The following GSE1 variants were observed in gnomAD, a reference collection of about 807,000 sequenced individuals.
GSE1 encodes the protein Gse1 coiled-coil protein.
GSE1 carries 32 observed loss-of-function variants against 112.6 expected under a neutral mutation model. That is an observed-to-expected ratio of 0.28 (90% CI 0.21 to 0.38). The LOEUF is 0.38. GSE1 is among the 10% of genes least tolerant of loss of function. The pLI is 1.00. For synonymous variants in GSE1, 1,115 were observed against 735.6 expected, an observed-to-expected ratio of 1.52 and a Z score of -8.35; for missense variants, 2,348 against 1,699.2, an observed-to-expected ratio of 1.38 and a Z score of -6.71.
At chr16:85,635,139 T>TG (rs1232877064) in intron 2 of GSE1, among the ~76,000 whole-genome samples, 2 of 152,132 alleles carry the variant, frequency 1.3e-5, no homozygotes, top group South Asian at 2.1e-4. Flanking sequence ...CAGGGCGGGC[T>TG]GGGGGGACTT....
Position 85,649,497 on chromosome 16 carries a change from G to C in GSE1, c.426+746G>C, listed in dbSNP as rs191558529. Among the ~76,000 whole-genome samples, 631 of 152,262 alleles carry C rather than the reference G, an allele frequency of 4.1e-3. 3 individuals carry two copies. Among genetic ancestry groups the C allele is most frequent in the African/African-American group, 0.015 (604 of 41,546 alleles). ...AGCGGAGGCCCCTCCCCAAGTTTTC[G>C]GGGCTCCTTATGTCTGTGGGCCCCT... On this transcript the variant is annotated intron_variant, in intron 3 of 15. Coordinates refer to ENST00000253458, the MANE Select transcript of GSE1 (RefSeq NM_014615.5).
At chr16:85,478,927 C>CTTTCTTTCTTTCTTTTCTT in intron 2 of GSE1, among the ~76,000 whole-genome samples, 1 of 28,060 alleles carries the variant, frequency 3.6e-5, no homozygotes, top group African/African-American at 1.5e-4. Context: ...TTCTTTCTTT[C>CTTTCTTTCTTTCTTTTCTT]TCTTTCTTTC....
In GSE1 at chr16:85,663,434, C is replaced by G; in HGVS notation, c.2464C>G (p.Leu822Val). 6.2e-7 allele frequency: 1 copy of G among 1,613,864 alleles called. No individual in the cohort carries two copies. Among genetic ancestry groups the G allele is most frequent in the Non-Finnish European group, 8.5e-7 (1 of 1,180,020 alleles). ...GAAGCGGAGGAAGCGGCGGAGGATGCTGCGAGAGAGAAGCCCGTCGCCCCC... is the reference window on the plus strand; with the variant it reads ...GAAGCGGAGGAAGCGGCGGAGGATGGTGCGAGAGAGAAGCCCGTCGCCCCC... ...AQKRRKRRRMLRERSPSPPTI... is the reference protein window; with the variant it reads ...AQKRRKRRRMVRERSPSPPTI... The change falls in exon 11 of 16, where the codon CTG becomes GTG. Residue 822 changes from leucine to valine, a missense_variant. Physicochemically the swap from Leu to Val is conservative, Grantham distance 32. Transcript: ENST00000253458.
chr16:85,346,430 G>GCAGA (rs1555566737), intron 1 of GSE1, among the ~76,000 whole-genome samples: 1 of 145,200 alleles, frequency 6.9e-6, no homozygotes, highest in Admixed American at 6.8e-5. Context: ...TGATGGACAG[G>GCAGA]TGGATGGTGG....
At chr16:85,520,363 G>A (rs2052140278) in intron 2 of GSE1, among the ~76,000 whole-genome samples, 1 of 143,208 alleles carries the variant, frequency 7.0e-6, no homozygotes, top group Non-Finnish European at 1.5e-5. Context: ...CAAACATTTG[G>A]ATTGTAGCAG....
chr16:85,394,327 G>A (rs1400551821), intron 2 of GSE1, among the ~76,000 whole-genome samples: 3 of 152,164 alleles, frequency 2.0e-5, no homozygotes, highest in Non-Finnish European at 4.4e-5. Flanking sequence ...AATACCTGTC[G>A]GTGCTGGTGC....
intron 1 of GSE1, among the ~76,000 whole-genome samples, chr16:85,604,025 C>T (rs1034011065): frequency 1.3e-5 from 2 of 152,124 alleles, no homozygotes; most frequent in African/African-American, 4.8e-5. Flanking sequence ...CTCACATCTG[C>T]TCAGCTTCGG....
chr16:85,574,203 C>T (rs1423288702), intron 1 of GSE1, among the ~76,000 whole-genome samples: 1 of 152,184 alleles, frequency 6.6e-6, no homozygotes, highest in Non-Finnish European at 1.5e-5. Flanking sequence ...GAGGGCCGGC[C>T]GTGGAAGTTG....
At position 85,359,272 on chromosome 16, in the gene GSE1, G is replaced by A. The variant is rs11859358; in HGVS notation, c.2464+1629G>A. On this transcript the variant is annotated intron_variant, in intron 2 of 2. Transcript: ENST00000637419. Reference sequence around the variant, plus strand: ...GGCGATGCGTCCTCCTGGGCCTGGCGGCTCACGGGTCAGTGGAGGGCTCCG... The same window carrying A: ...GGCGATGCGTCCTCCTGGGCCTGGCAGCTCACGGGTCAGTGGAGGGCTCCG... 1.0e-2 allele frequency: 3,991 copies of A among 400,786 alleles called. 130 individuals are homozygous for A. Among genetic ancestry groups the A allele is most frequent in the African/African-American group, 0.074 (3,573 of 48,366 alleles). 24.8% of individuals were successfully genotyped at this position (400,786 alleles called of 1,614,324 possible). A position where few individuals can be genotyped will look rare whatever the true frequency, so the allele number is the denominator to read the frequency against.
intron 1 of GSE1, among the ~76,000 whole-genome samples, chr16:85,313,437 G>A (rs1597371569): frequency 6.6e-6 from 1 of 152,168 alleles, no homozygotes; most frequent in African/African-American, 2.4e-5. Flanking sequence ...CCAGGGCCAG[G>A]CCATCTCGGC....
intron 2 of GSE1, among the ~76,000 whole-genome samples, chr16:85,540,547 T>G (rs1444626195): frequency 6.6e-6 from 1 of 152,248 alleles, no homozygotes; most frequent in Non-Finnish European, 1.5e-5. Flanking sequence ...ATGTGGCCTC[T>G]GAGCTAGGTC....
In GSE1 at chr16:85,311,058, T is replaced by A. The variant is rs1366747392; in HGVS notation, c.2284-46405T>A. Among the ~76,000 whole-genome samples, 3 of 152,134 alleles carry A rather than the reference T, an allele frequency of 2.0e-5. No homozygotes were observed. The highest frequency in any genetic ancestry group is 4.4e-5 in the Non-Finnish European group (3 of 68,004). On this transcript the variant is annotated intron_variant, in intron 1 of 2. Transcript: ENST00000637419. This position sits in a 1 kb window ranked among gnomAD's most constrained non-coding sequence, Gnocchi z 4.2. ...GCCGTCAGCAATGGCCATGGCTCTG[T>A]CAAGAAGGATTATCTCGTCCTCCAG...
chr16:85,633,821 C>T, intron 1 of GSE1, 93 bp from the exon 2 acceptor site: 1 of 929,922 alleles, frequency 1.1e-6, no homozygotes, highest in Non-Finnish European at 1.7e-6. Context: ...TGCTCCCTGC[C>T]TGCTGCTGCT....
intron 2 of GSE1, among the ~76,000 whole-genome samples, chr16:85,460,352 C>G (rs922251299): frequency 6.6e-6 from 1 of 152,158 alleles, no homozygotes; most frequent in Non-Finnish European, 1.5e-5. Flanking sequence ...TGCGGCCCAG[C>G]CTGGTATTTT....
At chr16:85,274,902 G>A (rs1446751538) in intron 1 of GSE1, among the ~76,000 whole-genome samples, 1 of 152,226 alleles carries the variant, frequency 6.6e-6, no homozygotes, top group African/African-American at 2.4e-5. Context: ...GGCCCTCACT[G>A]CCCCTGTTCC....
chr16:85,631,534 G>A (rs2049539939), intron 1 of GSE1, among the ~76,000 whole-genome samples: 1 of 152,234 alleles, frequency 6.6e-6, no homozygotes, highest in Non-Finnish European at 1.5e-5. Context: ...CTCAGAGCAT[G>A]GGTCCCATTT....
In GSE1 at chr16:85,311,031, C is replaced by T. The variant is rs183485233; in HGVS notation, c.2284-46432C>T. On this transcript the variant is annotated intron_variant, in intron 1 of 2. Coordinates refer to the GSE1 transcript ENST00000637419. This position sits in a 1 kb window ranked among gnomAD's most constrained non-coding sequence, Gnocchi z 4.2. ...AAATATAAACCCAGCCGCCTTTCCG[C>T]GGCCGTCAGCAATGGCCATGGCTCT... Among the ~76,000 whole-genome samples, 6 of 152,350 alleles carry T rather than the reference C, an allele frequency of 3.9e-5. No individual in the cohort carries two copies. The highest frequency in any genetic ancestry group is 3.3e-4 in the Admixed American group (5 of 15,312).
chr16:85,617,195 A>G (rs1444135587), intron 1 of GSE1, among the ~76,000 whole-genome samples: 2 of 152,158 alleles, frequency 1.3e-5, no homozygotes, highest in African/African-American at 2.4e-5. Flanking sequence ...CCTCGCATCC[A>G]TACTCCCATG....
At chr16:85,217,320 C>T (rs1171654197) in intron 1 of GSE1, among the ~76,000 whole-genome samples, 1 of 152,190 alleles carries the variant, frequency 6.6e-6, no homozygotes, top group East Asian at 1.9e-4. Context: ...AGCTTGTTTT[C>T]ATTTCTGTGC....
Sources: allele counts gnomAD v4.1 joint callset (sites outside exome capture counted in the v4.1 genomes callset), GRCh38; gene constraint gnomAD v4.1.1; non-coding constraint Gnocchi (gnomAD v3.1); transcripts MANE v1.5; gene names NCBI Gene and HGNC (gene_info 2026-07-23, HGNC 2026-07-21).